Variants in ECSCR observed in about 807,000 individuals in gnomAD.
ECSCR encodes the protein endothelial cell-specific chemotaxis regulator.
ECSCR carries 12 observed loss-of-function variants against 16.7 expected under a neutral mutation model. The ratio of observed to expected loss-of-function variants is 0.72; its 90% CI spans 0.46 to 1.17. The LOEUF (loss-of-function observed/expected upper bound fraction) is 1.17, where lower values mean the gene tolerates loss of function less well. ECSCR is among the 50% of genes most tolerant of loss of function. ECSCR has a pLI of 0.00. For synonymous variants in ECSCR, 44 were observed against 42.2 expected (o/e 1.04, Z -0.17); for missense variants, 122 against 116.1 (o/e 1.05, Z -0.23).
At chr5:139,456,451 A>C in intron 5 of ECSCR, 23 bp downstream of exon 5, 3 of 398,602 alleles carry the variant, frequency 7.5e-6, no homozygotes, top group Non-Finnish European at 1.3e-5. Flanking sequence ...ACTTCTCTTC[A>C]GGGCGAGTGC....
At position 139,451,719 on chromosome 5, in the gene ECSCR, TGTGTGTGGTTTGGGTGG is replaced by T. The variant is rs1299864586; in HGVS notation, c.513-2562_513-2546del. ...GGGTATGCGTGGTGTGTTTGTGGTG[TGTGTGTGGTTTGGGTGG>T]GTGTGTGGGGTATGTGTGTGGGGAG... On this transcript the variant is annotated intron_variant, in intron 8 of 9. Coordinates refer to ENST00000618155, the MANE Select transcript of ECSCR (RefSeq NM_001077693.4). 5.5e-3 allele frequency among the ~76,000 whole-genome samples: 754 copies of T among 136,020 alleles called. 9 individuals are homozygous for T. The highest frequency in any genetic ancestry group is 9.9e-3 in the Non-Finnish European group (628 of 63,440). 89.2% of individuals were successfully genotyped at this position (136,020 alleles called of 152,430 possible). A position where few individuals can be genotyped will look rare whatever the true frequency, so the allele number is the denominator to read the frequency against.
intron 1 of ECSCR, among the ~76,000 whole-genome samples, chr5:139,459,726 C>G (rs1011872354): frequency 6.6e-5 from 10 of 152,214 alleles, no homozygotes; most frequent in Admixed American, 6.5e-4. Flanking sequence ...CTCTGCTGCT[C>G]CCTTGGTCTC....
At chr5:139,451,533 GGT>G (rs1257193078) in intron 8 of ECSCR, among the ~76,000 whole-genome samples, 1 of 144,606 alleles carries the variant, frequency 6.9e-6, no homozygotes, top group African/African-American at 2.6e-5. Flanking sequence ...TGAAGTGTGT[GGT>G]GTGTGTGTAG....
intron 8 of ECSCR, among the ~76,000 whole-genome samples, chr5:139,453,985 G>C (rs1751100676): frequency 6.7e-6 from 1 of 148,644 alleles, no homozygotes; most frequent in Admixed American, 6.7e-5. Context: ...GGGGCATGTG[G>C]TATGTTTGAG....
intron 4 of ECSCR, 81 bp from the exon 5 acceptor site, chr5:139,456,599 TCCC>T: frequency 2.5e-6 from 1 of 397,802 alleles, no homozygotes; most frequent in Non-Finnish European, 4.4e-6. Context: ...AGGCCAGTCT[TCCC>T]TGCCTGAGAG....
At chr5:139,456,668 C>T (rs895527162) in intron 4 of ECSCR, 150 bp from the exon 5 acceptor site, 6 of 391,592 alleles carry the variant, frequency 1.5e-5, no homozygotes, top group African/African-American at 1.0e-4. Flanking sequence ...TTTGGGGTAT[C>T]CTTCTCCTCC....
chr5:139,455,731 CT>C (rs1751142401), intron 5 of ECSCR, among the ~76,000 whole-genome samples: 2 of 144,382 alleles, frequency 1.4e-5, no homozygotes, highest in Non-Finnish European at 3.0e-5. Context: ...AATCCCAATA[CT>C]TTGGGAGGCC....
chr5:139,458,607 G>A (rs1751222341), intron 1 of ECSCR, among the ~76,000 whole-genome samples: 3 of 150,970 alleles, frequency 2.0e-5, no homozygotes, highest in Admixed American at 1.3e-4. Flanking sequence ...AGCACTTAGG[G>A]AGGCTGAGGT....
intron 2 of ECSCR, 63 bp from the exon 3 acceptor site, chr5:139,457,870 G>T (rs1000366322): frequency 1.3e-6 from 2 of 1,518,182 alleles, no homozygotes; most frequent in Non-Finnish European, 1.8e-6. Context: ...TCCCTCTCTT[G>T]TTCCCTAGAT....
rs1312786351 is a variant in ECSCR at position 139,456,493 on chromosome 5, T to G, written c.243A>C (p.Arg81Ser). Reference sequence around the variant, plus strand: ...ACATACCTCTGCTTGTGCCTCCGTCTCTTCCACTGCTGGGGACACCTGCGC... The same window carrying G: ...ACATACCTCTGCTTGTGCCTCCGTCGCTTCCACTGCTGGGGACACCTGCGC... Reference protein sequence around the residue: ...TPGAGVPSSGRDGGTSRDTFQ... With the variant: ...TPGAGVPSSGSDGGTSRDTFQ... The change falls in exon 5 of 10, where the codon AGA becomes AGC. Residue 81 changes from arginine to serine, a missense_variant. Arg to Ser is a moderately radical substitution (Grantham distance 110, BLOSUM62 -1). Transcript: ENST00000618155. 1.3e-5 allele frequency: 5 copies of G among 398,582 alleles called. No individual in the cohort carries two copies. Among genetic ancestry groups the G allele is most frequent in the Non-Finnish European group, 1.3e-5 (3 of 226,120 alleles). 24.7% of individuals were successfully genotyped at this position (398,582 alleles called of 1,614,324 possible). A position where few individuals can be genotyped will look rare whatever the true frequency, so the allele number is the denominator to read the frequency against.
intron 8 of ECSCR, among the ~76,000 whole-genome samples, chr5:139,451,809 G>A (rs1751056544): frequency 1.3e-5 from 2 of 148,206 alleles, no homozygotes; most frequent in Non-Finnish European, 3.0e-5. Flanking sequence ...GTGTGGGTGG[G>A]TGTGTAGGGT....
chr5:139,456,882 C>T (rs1442295340), intron 4 of ECSCR, among the ~76,000 whole-genome samples: 69 of 152,194 alleles, frequency 4.5e-4, no homozygotes, highest in Non-Finnish European at 1.3e-4. Flanking sequence ...TGTTTTTCAC[C>T]GCTGCCCCCC....
At chr5:139,454,435 G>A (rs1219844325) in intron 8 of ECSCR, among the ~76,000 whole-genome samples, 167 bp downstream of exon 8, 5 of 147,386 alleles carry the variant, frequency 3.4e-5, no homozygotes, top group Middle Eastern at 3.6e-3. Flanking sequence ...TGTGTAGTGA[G>A]GTGTAGGGTG....
At chr5:139,458,106 C>T in intron 2 of ECSCR, 33 bp downstream of exon 2, 1 of 1,545,784 alleles carries the variant, frequency 6.5e-7, no homozygotes, top group Non-Finnish European at 8.7e-7. Context: ...CCTAGGCCTA[C>T]ACGCTGGAGT....
At chr5:139,451,468 G>A (rs1312259656) in intron 8 of ECSCR, among the ~76,000 whole-genome samples, 1 of 150,058 alleles carries the variant, frequency 6.7e-6, no homozygotes, top group East Asian at 2.0e-4. Flanking sequence ...GGTACGGGGT[G>A]TCTGTGTGTG....
At position 139,457,574 on chromosome 5, in the gene ECSCR, G is replaced by A; in HGVS notation, c.188C>T (p.Pro63Leu). 1.2e-6 allele frequency: 1 copy of A among 802,020 alleles called. No individual in the cohort carries two copies. Among genetic ancestry groups the A allele is most frequent in the Non-Finnish European group, 2.3e-6 (1 of 437,456 alleles). 49.7% of individuals were successfully genotyped at this position (802,020 alleles called of 1,614,324 possible). Reference sequence around the variant, plus strand: ...GGTACCAGTGCTGGACAGATGGCTTGGCCTGTTAGCCTCTGAGGAAGGGAT... The same window carrying A: ...GGTACCAGTGCTGGACAGATGGCTTAGCCTGTTAGCCTCTGAGGAAGGGAT... ...GYIPSSEANR[P>L]SHLSSTGTPG... The change falls in exon 4 of 10, where the codon CCA (proline) becomes CTA (leucine). Residue 63 changes from proline (P) to leucine (L), a missense_variant. By Grantham distance (98) the Pro-to-Leu change is moderately conservative (BLOSUM62 -3). Coordinates refer to ENST00000618155, the MANE Select transcript of ECSCR (RefSeq NM_001077693.4).
intron 5 of ECSCR, among the ~76,000 whole-genome samples, chr5:139,455,886 G>A (rs1317108072): frequency 1.3e-5 from 2 of 151,276 alleles, no homozygotes; most frequent in South Asian, 4.2e-4. Context: ...CACTTTGGGA[G>A]GCCGAGGCGG....
intron 5 of ECSCR, among the ~76,000 whole-genome samples, 166 bp from the exon 6 acceptor site, chr5:139,455,602 T>C (rs1173451877): frequency 1.3e-5 from 2 of 151,624 alleles, no homozygotes; most frequent in African/African-American, 4.8e-5. Context: ...AGGGTTGAGG[T>C]GGGAGGAATG....
chr5:139,456,565 C>T (rs1375481183), intron 4 of ECSCR, 47 bp from the exon 5 acceptor site: 3 of 398,458 alleles, frequency 7.5e-6, no homozygotes, highest in Non-Finnish European at 8.8e-6. Context: ...CCCCCAGCAG[C>T]TCTTCTCCCT....
Sources: gnomAD v4.1 joint callset for allele counts (sites outside exome capture counted in the v4.1 genomes callset) on GRCh38, gnomAD v4.1.1 for gene constraint, MANE v1.5 for transcripts, NCBI Gene and HGNC (gene_info 2026-07-23, HGNC 2026-07-21) for gene names.